TRAK1: variants seen among roughly 807,000 people sequenced by gnomAD.
TRAK1 encodes the protein trafficking kinesin protein 1, also known as trafficking kinesin-binding protein 1.
A neutral mutation model predicts 92.1 loss-of-function variants in TRAK1; 33 were observed. That is an observed-to-expected ratio of 0.36 (90% CI 0.27 to 0.48). The LOEUF (loss-of-function observed/expected upper bound fraction) is 0.48, where lower values mean the gene tolerates loss of function less well. TRAK1 is among the 20% of genes least tolerant of loss of function. The pLI, the probability that TRAK1 is intolerant of heterozygous loss-of-function variation, is 0.99. For synonymous variants in TRAK1, 521 were observed against 517.3 expected (o/e 1.01, Z -0.10); for missense variants, 1,123 against 1,257.9 (o/e 0.89, Z 1.62).
intron 1 of TRAK1, among the ~76,000 whole-genome samples, chr3:42,114,224 C>G (rs780841776): frequency 3.3e-5 from 5 of 152,174 alleles, no homozygotes; most frequent in Non-Finnish European, 5.9e-5. Flanking sequence ...ATCCATTCAT[C>G]TGCTGATGGG....
At chr3:42,155,740 T>C (rs1457094560) in intron 2 of TRAK1, among the ~76,000 whole-genome samples, 2 of 152,248 alleles carry the variant, frequency 1.3e-5, no homozygotes, top group Non-Finnish European at 2.9e-5. Context: ...TGGTCACATA[T>C]GGCTGTGGAG....
In TRAK1 at chr3:42,161,196, T is replaced by C. The variant is rs77892956; in HGVS notation, c.287-15618T>C. The stretch of plus-strand genomic sequence containing the variant: ...GTAAAGATAGGCCCAGATGCTGGTA[T>C]GAGCTTTCTAGTTGGCCTTCCAGGG... On this transcript the variant is annotated intron_variant, in intron 2 of 15. Transcript: ENST00000327628. Among the ~76,000 whole-genome samples, 999 of 152,300 alleles carry C rather than the reference T, an allele frequency of 6.6e-3. 6 individuals are homozygous for C. The highest frequency in any genetic ancestry group is 0.021 in the African/African-American group (874 of 41,564).
intron 2 of TRAK1, among the ~76,000 whole-genome samples, chr3:42,126,597 A>G (rs1710591999): frequency 6.6e-6 from 1 of 152,218 alleles, no homozygotes; most frequent in Admixed American, 6.5e-5. Flanking sequence ...CTCTTTAAAA[A>G]CTTATGGCAG....
intron 2 of TRAK1, among the ~76,000 whole-genome samples, chr3:42,138,528 C>G (rs536928939): frequency 1.2e-4 from 18 of 152,066 alleles, no homozygotes; most frequent in African/African-American, 4.1e-4. Flanking sequence ...ATAACAAGAT[C>G]GTTTTATTTG....
intron 2 of TRAK1, among the ~76,000 whole-genome samples, chr3:42,156,057 T>C (rs147480578): frequency 3.9e-5 from 6 of 152,344 alleles, no homozygotes; most frequent in African/African-American, 1.4e-4. Context: ...TCTGTGCCTT[T>C]GATACGGCAC....
At chr3:42,163,579 A>G (rs997084846) in intron 2 of TRAK1, among the ~76,000 whole-genome samples, 1 of 151,980 alleles carries the variant, frequency 6.6e-6, no homozygotes, top group African/African-American at 2.4e-5. Context: ...AAGAAAAAAA[A>G]AAAAAAAGGC....
chr3:42,081,725 G>A (rs960213505), intron 1 of TRAK1, among the ~76,000 whole-genome samples: 8 of 152,162 alleles, frequency 5.3e-5, no homozygotes, highest in African/African-American at 1.9e-4. Context: ...CAAGAAAGGT[G>A]CCAGATTCTG....
intron 1 of TRAK1, among the ~76,000 whole-genome samples, chr3:42,059,777 T>G (rs1314733554): frequency 6.6e-6 from 1 of 152,216 alleles, no homozygotes; most frequent in East Asian, 1.9e-4. Context: ...ATAGGGTAAC[T>G]TAGATTCTTG....
intron 14 of TRAK1, chr3:42,217,191 C>T (rs1258603324): frequency 1.0e-6 from 1 of 970,274 alleles, no homozygotes; most frequent in African/African-American, 1.8e-5. Flanking sequence ...CATGAGGAGC[C>T]TCTGATGATC....
intron 2 of TRAK1, chr3:42,160,091 TCCCACCCCGCCAAGTGCTCCAC>T: frequency 1.0e-6 from 1 of 996,832 alleles, no homozygotes; most frequent in Non-Finnish European, 1.3e-6. Context: ...AGCAGGGCAT[TCCCACCCCGCCAAGTGCTCCAC>T]CCCACCCCGC....
Position 42,202,875 on chromosome 3 carries a change from C to T in TRAK1, c.1744+123C>T. 6.8e-7 allele frequency: 1 copy of T among 1,471,806 alleles called. No individual in the cohort carries two copies. Among genetic ancestry groups the T allele is most frequent in the South Asian group, 1.4e-5 (1 of 73,862 alleles). 91.2% of individuals were successfully genotyped at this position (1,471,806 alleles called of 1,614,324 possible). A position where few individuals can be genotyped will look rare whatever the true frequency, so the allele number is the denominator to read the frequency against. On this transcript the variant is annotated intron_variant, in intron 13 of 15. Coordinates refer to ENST00000327628, the MANE Select transcript of TRAK1 (RefSeq NM_001042646.3). This position sits in a 1 kb window ranked among gnomAD's most constrained non-coding sequence, Gnocchi z 6.1. ...CTCCTTTTTCTTCCGCGACAGCCAC[C>T]CGCGCTGCTGGTTTGAGTTCCTCTG...
chr3:42,052,356 A>G (rs1216230386), intron 1 of TRAK1, among the ~76,000 whole-genome samples: 1 of 152,212 alleles, frequency 6.6e-6, no homozygotes, highest in East Asian at 1.9e-4. Context: ...TGTTCTAACA[A>G]GCCCTTCAGG....
intron 1 of TRAK1, among the ~76,000 whole-genome samples, chr3:42,062,118 C>T (rs1703472002): frequency 1.3e-5 from 2 of 152,188 alleles, no homozygotes; most frequent in Non-Finnish European, 2.9e-5. Context: ...CTACAGCAGA[C>T]AAGATTTTGA....
chr3:42,060,342 G>C (rs1188085428), intron 1 of TRAK1, among the ~76,000 whole-genome samples: 4 of 151,682 alleles, frequency 2.6e-5, no homozygotes, highest in African/African-American at 9.7e-5. Context: ...GGTGGGGGGT[G>C]GGGGGTGGTG....
At chr3:42,119,186 C>G (rs978048623) in intron 1 of TRAK1, among the ~76,000 whole-genome samples, 1 of 152,182 alleles carries the variant, frequency 6.6e-6, no homozygotes, top group Non-Finnish European at 1.5e-5. Flanking sequence ...ACAGAGAATA[C>G]ACTTCTAACA....
intron 1 of TRAK1, among the ~76,000 whole-genome samples, chr3:42,017,813 T>C (rs1312082850): frequency 6.6e-6 from 1 of 152,186 alleles, no homozygotes; most frequent in Non-Finnish European, 1.5e-5. Flanking sequence ...GCTCTTGAAA[T>C]CCTTGTTTGG....
At chr3:42,195,986 GCACCCAGGATC>G (rs1332974320) in intron 10 of TRAK1, among the ~76,000 whole-genome samples, 2 of 152,096 alleles carry the variant, frequency 1.3e-5, no homozygotes, top group African/African-American at 4.8e-5. Context: ...TGTTTCCTGG[GCACCCAGGATC>G]CACTCCACTG....
intron 13 of TRAK1, chr3:42,204,194 C>G (rs889600697): frequency 1.0e-6 from 1 of 985,652 alleles, no homozygotes. Flanking sequence ...ATTTTACTTT[C>G]TGCCTTACTT....
chr3:42,088,682 G>C (rs1029504271), upstream of TRAK1, among the ~76,000 whole-genome samples: 2 of 152,162 alleles, frequency 1.3e-5, no homozygotes, highest in African/African-American at 2.4e-5. Context: ...TTCAGTCCAG[G>C]GGTCTGTCCT....
Sources: allele counts gnomAD v4.1 joint callset (sites outside exome capture counted in the v4.1 genomes callset), GRCh38; gene constraint gnomAD v4.1.1; non-coding constraint Gnocchi (gnomAD v3.1); transcripts MANE v1.5; gene names NCBI Gene and HGNC (gene_info 2026-07-23, HGNC 2026-07-21).